The following VWA5B2 variants were observed in gnomAD, a reference collection of about 807,000 sequenced individuals.
The protein encoded by VWA5B2 is von Willebrand factor A domain-containing protein 5B2.
VWA5B2 carries 93 observed loss-of-function variants against 118.5 expected under a neutral mutation model. The observed-to-expected ratio is 0.79, with a 90% confidence interval of 0.66 to 0.93. The LOEUF (loss-of-function observed/expected upper bound fraction) is 0.93, where lower values mean the gene tolerates loss of function less well. Ranked by LOEUF, VWA5B2 falls within the 40% of genes least tolerant of loss-of-function variation. The pLI, the probability that VWA5B2 is intolerant of heterozygous loss-of-function variation, is 0.00. For synonymous variants in VWA5B2, 708 were observed against 716.3 expected (o/e 0.99, Z 0.19); for missense variants, 1,546 against 1,672.8 (o/e 0.92, Z 1.32).
Position 184,238,611 on chromosome 3 carries a change from C to T in VWA5B2, c.1940C>T (p.Ser647Phe), listed in dbSNP as rs2108430441. The change falls in exon 14 of 20, where the codon TCT (serine) becomes TTT (phenylalanine). Residue 647 changes from serine to phenylalanine, a missense_variant. Ser to Phe is a radical substitution (Grantham distance 155). This residue lies in a region of VWA5B2 where 775 missense variants were observed against 882.3 expected (regional missense o/e 0.88). Transcript: ENST00000691901. The surrounding 1 kb of genome is among the most constrained non-coding windows in gnomAD (Gnocchi z 5.0). Reference sequence around the variant, plus strand: ...GTCACGGATCCTGGACCCAACCCCTCTGACACAGCCATATGGCGCCGCATC... The same window carrying T: ...GTCACGGATCCTGGACCCAACCCCTTTGACACAGCCATATGGCGCCGCATC... The part of the protein sequence containing the change: ...DPVTDPGPNP[S>F]DTAIWRRIFQ... 2 of 1,551,868 alleles carry T rather than the reference C, an allele frequency of 1.3e-6. No individual in the cohort carries two copies.
At position 184,230,702 on chromosome 3, in the gene VWA5B2, G is replaced by A. The variant is rs958204735; in HGVS notation, c.139+35G>A. On this transcript the variant is annotated intron_variant, in intron 2 of 19. Transcript: ENST00000691901. ...GGGTGGGGCGCGGGCGCGGCGGGGG[G>A]TGCGCCGGGCAGGGTCCGACGCCGC... is the stretch of plus-strand genomic sequence containing the variant. 14 of 1,226,784 alleles carry A rather than the reference G, an allele frequency of 1.1e-5. No individual in the cohort carries two copies. In the South Asian group the frequency reaches 3.3e-4, roughly 29 times the overall value. The allele number at this position is 1,226,784 out of a possible 1,614,324, so 76.0% of individuals were successfully genotyped here.
In VWA5B2 at chr3:184,233,441, T is replaced by C; in HGVS notation, c.530+44T>C. On this transcript the variant is annotated intron_variant, in intron 4 of 19. Coordinates refer to ENST00000691901, the MANE Select transcript of VWA5B2 (RefSeq NM_001390846.1). This position sits in a 1 kb window ranked among gnomAD's most constrained non-coding sequence, Gnocchi z 5.2. ...CTCTTCGTCCCTCCCTCGGCTTCTC[T>C]GGGTCTAGTGCGGGTGAGGGGGCAC... is the stretch of plus-strand genomic sequence containing the variant. 1 of 1,499,820 alleles carries C rather than the reference T, an allele frequency of 6.7e-7. No individual in the cohort carries two copies. 92.9% of individuals were successfully genotyped at this position (1,499,820 alleles called of 1,614,324 possible). A position where few individuals can be genotyped will look rare whatever the true frequency, so the allele number is the denominator to read the frequency against.
chr3:184,231,989 G>A (rs1717441880), intron 3 of VWA5B2, among the ~76,000 whole-genome samples: 1 of 152,208 alleles, frequency 6.6e-6, no homozygotes, highest in Non-Finnish European at 1.5e-5. Flanking sequence ...AGGGGCAACA[G>A]TATAAGCAAA....
At chr3:184,231,959 G>GACTC (rs904362993) in intron 3 of VWA5B2, among the ~76,000 whole-genome samples, 4 of 152,138 alleles carry the variant, frequency 2.6e-5, no homozygotes, top group Non-Finnish European at 5.9e-5. Flanking sequence ...GAAAGGGTAG[G>GACTC]ACTCAGTTAA....
chr3:184,236,459 T>A lies in VWA5B2; in HGVS notation c.1329T>A (p.Pro443=), dbSNP rs750359851. The A allele has an allele frequency of 1.7e-5, 26 of 1,546,510 alleles. No individual in the cohort carries two copies. In the East Asian group the frequency reaches 6.1e-4, roughly 36 times the overall value. ...GGCAGCCCCAGCACAGGGCCTACCC[T>A]CGGCAGCTGTTCCTGCTCACTGCTG... ...AVGQPQHRAY[P]RQLFLLTAAS... Residue 443 remains proline, a synonymous_variant, in exon 10 of 20, where the codon CCT becomes CCA. Coordinates refer to ENST00000691901, the MANE Select transcript of VWA5B2 (RefSeq NM_001390846.1).
rs1057284667 is a variant in VWA5B2 at position 184,241,522 on chromosome 3, C to A, written c.3213C>A (p.Arg1071=). The change falls in exon 20 of 20, where the codon CGC becomes CGA. Residue 1071 remains arginine, a synonymous_variant. Coordinates refer to ENST00000691901, the MANE Select transcript of VWA5B2 (RefSeq NM_001390846.1). This position sits in a 1 kb window ranked among gnomAD's most constrained non-coding sequence, Gnocchi z 5.1. ...TGCAGGAGGCACCAGGCTCCTTCCG[C>A]CTGGACGCGCCCTTCTGCGCCGCTG... ...VRLQEAPGSF[R]LDAPFCAAVR... 5 of 1,550,104 alleles carry A rather than the reference C, an allele frequency of 3.2e-6. No individual in the cohort carries two copies. In the African/African-American group the frequency reaches 5.5e-5, roughly 17 times the overall value.
At position 184,238,338 on chromosome 3, in the gene VWA5B2, C is replaced by T. The variant is rs1315664774; in HGVS notation, c.1755C>T (p.Ser585=). Residue 585 remains serine, a synonymous_variant, in exon 13 of 20, where the codon TCC becomes TCT. Transcript: ENST00000691901. This position sits in a 1 kb window ranked among gnomAD's most constrained non-coding sequence, Gnocchi z 5.0. ...QEPGWQSSGG[S]VFPSPEEAPS... is the part of the protein sequence containing the mutation. ...CTGGCTGGCAGAGCTCGGGTGGGTC[C>T]GTGTTTCCATCCCCAGAAGAGGCCC... is the stretch of plus-strand genomic sequence containing the variant. 9.7e-6 allele frequency: 15 copies of T among 1,546,798 alleles called. No individual in the cohort carries two copies. The highest frequency in any genetic ancestry group is 4.8e-5 in the South Asian group (4 of 83,622).
At chr3:184,232,111 T>G (rs538440826) in intron 3 of VWA5B2, among the ~76,000 whole-genome samples, 2 of 152,280 alleles carry the variant, frequency 1.3e-5, no homozygotes, top group East Asian at 3.9e-4. Flanking sequence ...TAGTGGGTAA[T>G]GCAGGCTTCT....
chr3:184,230,389 C>A lies in VWA5B2; in HGVS notation c.-140C>A. ...CACCTGTCGCCCTCAGGAGCTCCCGCTCGGCCTCGCGCCCCGGCAGGCCCC... is the reference window on the plus strand; with the variant it reads ...CACCTGTCGCCCTCAGGAGCTCCCGATCGGCCTCGCGCCCCGGCAGGCCCC... On this transcript the variant is annotated 5_prime_UTR_variant, in exon 2 of 20. Coordinates refer to ENST00000691901, the MANE Select transcript of VWA5B2 (RefSeq NM_001390846.1). 1 of 1,076,944 alleles carries A rather than the reference C, an allele frequency of 9.3e-7. No homozygotes were observed. The highest frequency in any genetic ancestry group is 1.2e-6 in the Non-Finnish European group (1 of 825,546). 66.7% of individuals were successfully genotyped at this position (1,076,944 alleles called of 1,614,324 possible).
rs867521270 is a variant in VWA5B2 at position 184,237,410 on chromosome 3, G to A, written c.1718G>A (p.Gly573Glu). ...RVDGFRSRPP[G>E]GQEPGWQSSG... ...GATGGCTTCCGGTCCCGCCCACCAGGGGTAAGCTTGGGCTGGGGTGTGGTA... is the reference window on the plus strand; with the variant it reads ...GATGGCTTCCGGTCCCGCCCACCAGAGGTAAGCTTGGGCTGGGGTGTGGTA... Residue 573 changes from glycine (G) to glutamate (E), a missense_variant and splice_region_variant, in exon 12 of 20, where the codon GGG becomes GAG. Around this residue, in one of 3 missense-constraint regions of VWA5B2, gnomAD observed 775 missense variants for 882.3 expected, o/e 0.88. Transcript: ENST00000691901. The surrounding 1 kb of genome is among the most constrained non-coding windows in gnomAD (Gnocchi z 5.6). 3.9e-6 allele frequency: 6 copies of A among 1,547,148 alleles called. No individual in the cohort carries two copies. The highest frequency in any genetic ancestry group is 3.9e-5 in the Admixed American group (2 of 50,908).
At position 184,236,685 on chromosome 3, in the gene VWA5B2, G is replaced by A; in HGVS notation, c.1469G>A (p.Gly490Asp). The A allele has an allele frequency of 1.3e-6, 2 of 1,551,368 alleles. No homozygotes were observed. Among genetic ancestry groups the A allele is most frequent in the East Asian group, 2.4e-5 (1 of 40,904 alleles). The change falls in exon 11 of 20, where the codon GGT becomes GAT. Residue 490 changes from glycine (G) to aspartate (D), a missense_variant. Gly to Asp is a moderately conservative substitution (Grantham distance 94). Coordinates refer to ENST00000691901, the MANE Select transcript of VWA5B2 (RefSeq NM_001390846.1). ...LGPTCHQLLQ[G>D]LSALSRGQAY... Reference sequence around the variant, plus strand: ...CCCACCTGCCACCAGCTGCTCCAGGGTTTATCTGCCCTCAGCAGAGGCCAG... The same window carrying A: ...CCCACCTGCCACCAGCTGCTCCAGGATTTATCTGCCCTCAGCAGAGGCCAG...
rs1172675872 is a variant in VWA5B2, at chr3:184,234,568, A to G, written c.821-63A>G. 58 of 1,537,114 alleles carry G rather than the reference A, an allele frequency of 3.8e-5. 2 individuals are homozygous for G. The Middle Eastern group carries it at 5.2e-4, about 14-fold the overall frequency. ...CCTGCAGGCTCCTCCTGGACAGTGA[A>G]ACTGGGCACTTGGGGTCCAGAGGCA... On this transcript the variant is annotated intron_variant, in intron 6 of 19. Coordinates refer to ENST00000691901, the MANE Select transcript of VWA5B2 (RefSeq NM_001390846.1).
chr3:184,238,372 G>T lies in VWA5B2; in HGVS notation c.1789G>T (p.Ala597Ser), dbSNP rs932437783. The T allele has an allele frequency of 2.5e-5, 38 of 1,550,412 alleles. No individual in the cohort carries two copies. Among genetic ancestry groups the T allele is most frequent in the Non-Finnish European group, 3.1e-5 (36 of 1,146,752 alleles). ...ATCCCCAGAAGAGGCCCCGTCTGCT[G>T]CCAGCCCTGGCACTGAGCCCACTGG... Reference protein sequence around the residue: ...FPSPEEAPSAASPGTEPTGTS... With the variant: ...FPSPEEAPSASSPGTEPTGTS... Residue 597 changes from alanine (A) to serine (S), a missense_variant, in exon 13 of 20, where the codon GCC becomes TCC. Ala to Ser is a moderately conservative substitution (Grantham distance 99). Coordinates refer to ENST00000691901, the MANE Select transcript of VWA5B2 (RefSeq NM_001390846.1). The surrounding 1 kb of genome is among the most constrained non-coding windows in gnomAD (Gnocchi z 5.0).
chr3:184,234,800 T>G, intron 7 of VWA5B2, 45 bp downstream of exon 7: 1 of 1,549,738 alleles, frequency 6.5e-7, no homozygotes, highest in Non-Finnish European at 8.7e-7. Flanking sequence ...TTGGCTGCAT[T>G]TGTGCACAAG....
Position 184,236,324 on chromosome 3 carries a change from C to T in VWA5B2, c.1213-19C>T. On this transcript the variant is annotated intron_variant, in intron 9 of 19. Transcript: ENST00000691901. ...AGGTTTCAGCCCAGTGCGTCCCAGCCTGTGCCTTCTCGCTCCAGGATGCTG... is the reference window on the plus strand; with the variant it reads ...AGGTTTCAGCCCAGTGCGTCCCAGCTTGTGCCTTCTCGCTCCAGGATGCTG... 1 of 1,549,366 alleles carries T rather than the reference C, an allele frequency of 6.5e-7. No individual in the cohort carries two copies. Among genetic ancestry groups the T allele is most frequent in the Non-Finnish European group, 8.7e-7 (1 of 1,145,076 alleles).
intron 11 of VWA5B2, among the ~76,000 whole-genome samples, chr3:184,236,977 C>T (rs575598177): frequency 3.3e-5 from 5 of 152,286 alleles, no homozygotes; most frequent in Non-Finnish European, 7.4e-5. Flanking sequence ...AACGGAGCCT[C>T]GTCCTCACAG....
chr3:184,233,128 C>A lies in VWA5B2; in HGVS notation c.311-50C>A. Reference sequence around the variant, plus strand: ...GCCTGCTTCCACATCTAGCTTCCTCCCTCTCCTCTGCTTCCAGCATGCTCT... The same window carrying A: ...GCCTGCTTCCACATCTAGCTTCCTCACTCTCCTCTGCTTCCAGCATGCTCT... On this transcript the variant is annotated intron_variant, in intron 3 of 19. Coordinates refer to ENST00000691901, the MANE Select transcript of VWA5B2 (RefSeq NM_001390846.1). The surrounding 1 kb of genome is among the most constrained non-coding windows in gnomAD (Gnocchi z 5.2). The A allele has an allele frequency of 2.0e-6, 3 of 1,500,716 alleles. No individual in the cohort carries two copies. The highest frequency in any genetic ancestry group is 2.7e-6 in the Non-Finnish European group (3 of 1,113,638). 93.0% of individuals were successfully genotyped at this position (1,500,716 alleles called of 1,614,324 possible). A position where few individuals can be genotyped will look rare whatever the true frequency, so the allele number is the denominator to read the frequency against.
Position 184,230,575 on chromosome 3 carries a change from C to T in VWA5B2, c.47C>T (p.Thr16Met). Residue 16 changes from threonine to methionine, a missense_variant, in exon 2 of 20, where the codon ACG (threonine) becomes ATG (methionine). Transcript: ENST00000691901. ...TCCAGCTGGACGCCGCTGCCGCTCA[C>T]GGACTCCTGGGTCCGGGCCTGCGCC... ...CPSSWTPLPL[T>M]DSWVRACANG... is the part of the protein sequence containing the mutation. 1.4e-6 allele frequency: 2 copies of T among 1,479,628 alleles called. No homozygotes were observed. The highest frequency in any genetic ancestry group is 2.3e-5 in the Admixed American group (1 of 43,072). 91.7% of individuals were successfully genotyped at this position (1,479,628 alleles called of 1,614,324 possible). A position where few individuals can be genotyped will look rare whatever the true frequency, so the allele number is the denominator to read the frequency against.
Position 184,230,478 on chromosome 3 carries a change from C to T in VWA5B2, c.-51C>T. The T allele has an allele frequency of 1.4e-6, 2 of 1,398,192 alleles. No individual in the cohort carries two copies. Among genetic ancestry groups the T allele is most frequent in the Non-Finnish European group, 1.8e-6 (2 of 1,086,408 alleles). The allele number at this position is 1,398,192 out of a possible 1,614,324, so 86.6% of individuals were successfully genotyped here. ...GAGCGCGGGGTGGGCGTCCCGTCAC[C>T]CTGCGCCCAGCTTCCCCGGCCCGTT... is the stretch of plus-strand genomic sequence containing the variant. On this transcript the variant is annotated 5_prime_UTR_variant, in exon 2 of 20. Transcript: ENST00000691901.
Sources: allele counts gnomAD v4.1 joint callset (sites outside exome capture counted in the v4.1 genomes callset), GRCh38; gene constraint gnomAD v4.1.1; regional missense constraint gnomAD v4.1.1; non-coding constraint Gnocchi (gnomAD v3.1); transcripts MANE v1.5; gene names NCBI Gene and HGNC (gene_info 2026-07-23, HGNC 2026-07-21).